Variants in EDIL3 observed in about 807,000 individuals in gnomAD.
EDIL3 encodes EGF like and discoidin domains 3.
A neutral mutation model predicts 67.4 loss-of-function variants in EDIL3; 37 were observed. That is an observed-to-expected ratio of 0.55 (90% CI 0.42 to 0.72). The LOEUF is 0.72. EDIL3 is among the 30% of genes least tolerant of loss of function. The probability of loss-of-function intolerance (pLI) is 0.00; values close to 1 mark genes in which losing one functional copy is unlikely to be tolerated. For synonymous variants in EDIL3, 195 were observed against 196.3 expected, an observed-to-expected ratio of 0.99 and a Z score of 0.05; for missense variants, 527 against 586.3, an observed-to-expected ratio of 0.90 and a Z score of 1.04.
intron 3 of EDIL3, among the ~76,000 whole-genome samples, chr5:84,200,655 T>C (rs1306215088): frequency 6.6e-6 from 1 of 152,124 alleles, no homozygotes; most frequent in African/African-American, 2.4e-5. Flanking sequence ...TTAACAAAAC[T>C]AATTAGTCAT....
chr5:84,099,797 T>C (rs910386439), intron 6 of EDIL3, among the ~76,000 whole-genome samples: 5 of 151,988 alleles, frequency 3.3e-5, no homozygotes, highest in Non-Finnish European at 7.4e-5. Flanking sequence ...ACAGGAAACC[T>C]ACAGAATGGG....
At chr5:84,246,352 A>T (rs1387744549) in intron 2 of EDIL3, among the ~76,000 whole-genome samples, 1 of 152,244 alleles carries the variant, frequency 6.6e-6, no homozygotes, top group Non-Finnish European at 1.5e-5. Context: ...AGTAGAGATC[A>T]GTTAACCATC....
At chr5:84,081,267 T>G (rs776012731) in intron 6 of EDIL3, among the ~76,000 whole-genome samples, 2 of 152,144 alleles carry the variant, frequency 1.3e-5, no homozygotes, top group Non-Finnish European at 2.9e-5. Flanking sequence ...ACATCCTCCA[T>G]CACCCACAGC....
chr5:84,153,975 T>G (rs1172974837), intron 4 of EDIL3, among the ~76,000 whole-genome samples: 1 of 152,114 alleles, frequency 6.6e-6, no homozygotes, highest in East Asian at 1.9e-4. Flanking sequence ...AAGCTCTACT[T>G]TGAGATAAAG....
At chr5:84,246,052 CGT>C in intron 2 of EDIL3, among the ~76,000 whole-genome samples, 1 of 152,048 alleles carries the variant, frequency 6.6e-6, no homozygotes, top group East Asian at 1.9e-4. Context: ...TTGTGTATAA[CGT>C]AAAAAGAAAT....
chr5:83,946,463 AC>A (rs2083554585), intron 10 of EDIL3, among the ~76,000 whole-genome samples: 3 of 151,676 alleles, frequency 2.0e-5, no homozygotes, highest in Non-Finnish European at 4.4e-5. Context: ...GAAAAATACA[AC>A]TCCCTCAATG....
intron 1 of EDIL3, among the ~76,000 whole-genome samples, chr5:84,367,618 C>T (rs1332969436): frequency 3.3e-5 from 5 of 151,932 alleles, no homozygotes; most frequent in Admixed American, 2.0e-4. Context: ...CCTGTTTCTA[C>T]CAAGAATACA....
intron 9 of EDIL3, among the ~76,000 whole-genome samples, chr5:84,044,721 A>G (rs1746190228): frequency 6.6e-6 from 1 of 152,196 alleles, no homozygotes; most frequent in Non-Finnish European, 1.5e-5. Flanking sequence ...TGCGGGCGGT[A>G]GAAAGCCTAA....
At chr5:84,183,833 C>A (rs958017227) in intron 3 of EDIL3, among the ~76,000 whole-genome samples, 10 of 152,108 alleles carry the variant, frequency 6.6e-5, no homozygotes, top group African/African-American at 2.4e-4. Context: ...TGGGCAGGTG[C>A]GGTGGCTCAC....
chr5:84,360,323 G>T (rs1461889615), intron 1 of EDIL3, among the ~76,000 whole-genome samples: 2 of 152,174 alleles, frequency 1.3e-5, no homozygotes, highest in African/African-American at 4.8e-5. Flanking sequence ...CAACAGTTTG[G>T]ACCTTACAGA....
intron 1 of EDIL3, among the ~76,000 whole-genome samples, chr5:84,322,771 A>G (rs939427031): frequency 5.3e-5 from 8 of 152,098 alleles, no homozygotes; most frequent in African/African-American, 1.7e-4. Context: ...ACACATTATA[A>G]TAAAACTTTG....
chr5:84,206,208 T>A (rs570600555), intron 3 of EDIL3, among the ~76,000 whole-genome samples: 1,578 of 152,284 alleles, frequency 0.01, 33 homozygotes, highest in African/African-American at 0.036. Flanking sequence ...TCAGTTTCCA[T>A]GTAGTTGAGT....
chr5:84,313,251 A>C (rs1746441887), intron 1 of EDIL3, among the ~76,000 whole-genome samples: 1 of 152,256 alleles, frequency 6.6e-6, no homozygotes, highest in African/African-American at 2.4e-5. Context: ...CTGCAGCTCC[A>C]CATTACATTA....
At chr5:84,154,509 C>CTACCAAT (rs1748455433) in intron 4 of EDIL3, among the ~76,000 whole-genome samples, 2 of 151,906 alleles carry the variant, frequency 1.3e-5, no homozygotes, top group Admixed American at 1.3e-4. Context: ...CTGATGCATT[C>CTACCAAT]TACCAATTGT....
At chr5:84,188,491 C>A (rs1743513345) in intron 3 of EDIL3, among the ~76,000 whole-genome samples, 1 of 151,906 alleles carries the variant, frequency 6.6e-6, no homozygotes, top group Non-Finnish European at 1.5e-5. Flanking sequence ...CACCATAAAT[C>A]TAATACGTCT....
rs1300472905 is a variant in EDIL3, at chr5:83,941,300, CT to C, written c.*2118del. 6.6e-6 allele frequency: 1 copy of C among 152,018 alleles called. No homozygotes were observed. The highest frequency in any genetic ancestry group is 1.5e-5 in the Non-Finnish European group (1 of 67,928). The allele number at this position is 152,018 out of a possible 1,614,324, so 9.4% of individuals were successfully genotyped here. A position where few individuals can be genotyped will look rare whatever the true frequency, so the allele number is the denominator to read the frequency against. ...AAAGCAAGAGAAACTCATTTCAATG[CT>C]TTTTCTAAAAGGTAACAAATATAAT... On this transcript the variant is annotated 3_prime_UTR_variant, in exon 11 of 11. Coordinates refer to ENST00000296591, the MANE Select transcript of EDIL3 (RefSeq NM_005711.5).
chr5:84,089,917 T>C lies in EDIL3; in HGVS notation c.651+16732A>G, dbSNP rs142426344. ...AAATATGCTAAACCATCTTTAATAA[T>C]TAAAATGTAAATGGATTTTCGATGT... On this transcript the variant is annotated intron_variant, in intron 6 of 10. Coordinates refer to ENST00000296591, the MANE Select transcript of EDIL3 (RefSeq NM_005711.5). Among the ~76,000 whole-genome samples, 3 of 152,290 alleles carry C rather than the reference T, an allele frequency of 2.0e-5. No homozygotes were observed. The East Asian group carries it at 5.8e-4, about 29-fold the overall frequency.
chr5:84,310,987 G>GT lies in EDIL3; in HGVS notation c.68-56776dup, dbSNP rs750493046. ...GAATTGAATGTATTCTATCATGTCT[G>GT]TTTTTTTTTTCCACCCAACATTATG... is the stretch of plus-strand genomic sequence containing the variant. On this transcript the variant is annotated intron_variant, in intron 1 of 10. Transcript: ENST00000296591. Among the ~76,000 whole-genome samples, 716 of 148,388 alleles carry GT rather than the reference G, an allele frequency of 4.8e-3. 4 individuals carry two copies. The highest frequency in any genetic ancestry group is 8.4e-3 in the Non-Finnish European group (559 of 66,900).
At chr5:84,095,717 T>A (rs1242049951) in intron 6 of EDIL3, among the ~76,000 whole-genome samples, 1 of 152,098 alleles carries the variant, frequency 6.6e-6, no homozygotes, top group Admixed American at 6.5e-5. Flanking sequence ...AGCCTGACAA[T>A]GCAATAGAAA....
Sources: allele counts gnomAD v4.1 joint callset (sites outside exome capture counted in the v4.1 genomes callset), GRCh38; gene constraint gnomAD v4.1.1; transcripts MANE v1.5; gene names NCBI Gene and HGNC (gene_info 2026-07-23, HGNC 2026-07-21).